Variants in MCTP2 observed in about 807,000 individuals in gnomAD.
MCTP2 encodes multiple C2 and transmembrane domain containing 2, also known as multiple C2 and transmembrane domain-containing protein 2.
MCTP2 carries 132 observed loss-of-function variants against 111.6 expected under a neutral mutation model. The ratio of observed to expected loss-of-function variants is 1.18; its 90% CI spans 1.03 to 1.37. The LOEUF is 1.37. Among genes scored for constraint, MCTP2 ranks in the 40% most tolerant of loss-of-function variants. The pLI, the probability that MCTP2 is intolerant of heterozygous loss-of-function variation, is 0.00. For synonymous variants in MCTP2, 395 were observed against 387.7 expected, an observed-to-expected ratio of 1.02 and a Z score of -0.22; for missense variants, 1,183 against 1,067.9, an observed-to-expected ratio of 1.11 and a Z score of -1.50.
At chr15:94,245,734 A>C (rs925640205) in intron 1 of MCTP2, among the ~76,000 whole-genome samples, 6 of 147,536 alleles carry the variant, frequency 4.1e-5, no homozygotes, top group Middle Eastern at 3.6e-3. Context: ...ATATATATAT[A>C]TCTATATAGA....
chr15:94,450,104 G>A (rs2084348746), intron 19 of MCTP2, among the ~76,000 whole-genome samples: 1 of 151,510 alleles, frequency 6.6e-6, no homozygotes, highest in African/African-American at 2.4e-5. Context: ...TGATATTCAT[G>A]TTGCAGGCCA....
At chr15:94,360,036 AACACACAAGCATATGTGTGC>A (rs768741591) in intron 10 of MCTP2, among the ~76,000 whole-genome samples, 2 of 152,138 alleles carry the variant, frequency 1.3e-5, no homozygotes, top group Non-Finnish European at 2.9e-5. Flanking sequence ...TTGTGTGGAA[AACACACAAGCATATGTGTGC>A]ACACACATGC....
intron 1 of MCTP2, among the ~76,000 whole-genome samples, chr15:94,245,556 G>T (rs927400496): frequency 5.0e-5 from 7 of 139,678 alleles, no homozygotes; most frequent in African/African-American, 1.8e-4. Context: ...ATTTATATAT[G>T]TATACATATA....
chr15:94,273,356 C>T (rs2074014367), intron 1 of MCTP2: 1 of 152,176 alleles, frequency 6.6e-6, no homozygotes, highest in African/African-American at 2.4e-5. Flanking sequence ...TGACTTAATC[C>T]TCAGCAATTA....
intron 20 of MCTP2, among the ~76,000 whole-genome samples, chr15:94,464,255 TATTATATATATA>T (rs1428340447): frequency 3.7e-5 from 3 of 80,232 alleles, no homozygotes; most frequent in Non-Finnish European, 7.4e-5. Context: ...TATATATATA[TATTATATATATA>T]TATATATATA....
At chr15:94,242,315 T>G (rs1362573704) in intron 1 of MCTP2, among the ~76,000 whole-genome samples, 1 of 152,170 alleles carries the variant, frequency 6.6e-6, no homozygotes, top group Non-Finnish European at 1.5e-5. Flanking sequence ...GAGATGCCTG[T>G]GGATATTAGT....
At chr15:94,439,999 A>G (rs971466689) in intron 17 of MCTP2, among the ~76,000 whole-genome samples, 177 bp from the exon 18 acceptor site, 3 of 152,096 alleles carry the variant, frequency 2.0e-5, no homozygotes, top group Non-Finnish European at 4.4e-5. Context: ...AGCTCTTTCT[A>G]TGCTACCAGT....
intron 14 of MCTP2, among the ~76,000 whole-genome samples, chr15:94,396,734 CT>C (rs1312474971): frequency 6.6e-6 from 1 of 151,986 alleles, no homozygotes; most frequent in Non-Finnish European, 1.5e-5. Flanking sequence ...AAAGATATTC[CT>C]TGTAGCAGAC....
intron 17 of MCTP2, among the ~76,000 whole-genome samples, chr15:94,423,057 A>T (rs1453730439): frequency 6.6e-6 from 1 of 152,188 alleles, no homozygotes; most frequent in Admixed American, 6.5e-5. Context: ...GCAAAGTAGT[A>T]ACTGGGTATA....
chr15:94,245,479 TATAC>T (rs1369239225), intron 1 of MCTP2, among the ~76,000 whole-genome samples: 36 of 140,908 alleles, frequency 2.6e-4, no homozygotes, highest in African/African-American at 7.6e-4. Flanking sequence ...TATATGTATA[TATAC>T]ATACATGTAT....
intron 8 of MCTP2, 55 bp downstream of exon 8, chr15:94,345,219 G>A: frequency 6.5e-7 from 1 of 1,540,344 alleles, no homozygotes; most frequent in Non-Finnish European, 8.9e-7. Context: ...TGTCTTTGTA[G>A]CAAACAAAAA....
At chr15:94,462,769 C>T (rs1408304886) in intron 20 of MCTP2, among the ~76,000 whole-genome samples, 2 of 152,156 alleles carry the variant, frequency 1.3e-5, no homozygotes, top group Non-Finnish European at 2.9e-5. Flanking sequence ...ACTTTTAGGA[C>T]TCAGGGTCCT....
At chr15:94,374,867 G>T (rs1248805920) in intron 12 of MCTP2, among the ~76,000 whole-genome samples, 1 of 152,166 alleles carries the variant, frequency 6.6e-6, no homozygotes, top group Non-Finnish European at 1.5e-5. Flanking sequence ...TCCACGCCTA[G>T]CTCGGTGGGG....
chr15:94,285,101 G>C (rs1337098831), intron 1 of MCTP2, among the ~76,000 whole-genome samples: 1 of 152,176 alleles, frequency 6.6e-6, no homozygotes, highest in Non-Finnish European at 1.5e-5. Flanking sequence ...TAGTGGCAAA[G>C]AGAAAAGTGG....
chr15:94,310,982 C>T (rs892094438), intron 2 of MCTP2, among the ~76,000 whole-genome samples: 8 of 150,580 alleles, frequency 5.3e-5, no homozygotes, highest in Non-Finnish European at 1.0e-4. Flanking sequence ...CTAAGGGAAT[C>T]CACAGTGCTT....
chr15:94,370,018 T>C, intron 11 of MCTP2, 69 bp from the exon 12 acceptor site: 1 of 1,010,068 alleles, frequency 9.9e-7, no homozygotes, highest in Admixed American at 2.6e-5. Context: ...GCACTTCCTA[T>C]AGGACTTTAT....
chr15:94,380,076 A>G (rs1471704789), intron 12 of MCTP2, among the ~76,000 whole-genome samples: 3 of 151,954 alleles, frequency 2.0e-5, no homozygotes, highest in Non-Finnish European at 1.5e-5. Flanking sequence ...TTCTGAACTG[A>G]ATTACATTTC....
rs1405598647 is a variant in MCTP2, at chr15:94,402,473, C to T, written c.2085+454C>T. On this transcript the variant is annotated intron_variant, in intron 17 of 22. Coordinates refer to ENST00000357742, the MANE Select transcript of MCTP2 (RefSeq NM_001385001.1). ...GGGACATACTGATCATTACACATTG[C>T]AATTTCATTCAGCACCGCAAAGAGG... The T allele has an allele frequency of 2.6e-6, 4 of 1,551,538 alleles. No individual in the cohort carries two copies. The East Asian group carries it at 9.8e-5, about 38-fold the overall frequency.
chr15:94,402,443 CAG>C, intron 17 of MCTP2: 1 of 1,543,704 alleles, frequency 6.5e-7, no homozygotes, highest in Non-Finnish European at 8.7e-7. Flanking sequence ...CATTTCAAGC[CAG>C]TTGGGACATA....
Sources: allele counts gnomAD v4.1 joint callset (sites outside exome capture counted in the v4.1 genomes callset), GRCh38; gene constraint gnomAD v4.1.1; transcripts MANE v1.5; gene names NCBI Gene and HGNC (gene_info 2026-07-23, HGNC 2026-07-21).